The following LMO2 variants were observed in gnomAD, a reference collection of about 807,000 sequenced individuals.
LMO2 encodes rhombotin-2.
In LMO2, 20 loss-of-function variants were observed where a neutral mutation model predicts 23.2. The ratio of observed to expected loss-of-function variants is 0.86; its 90% CI spans 0.61 to 1.25. The LOEUF (loss-of-function observed/expected upper bound fraction) is 1.25. LMO2 is among the 50% of genes most tolerant of loss of function. The probability of loss-of-function intolerance (pLI) is 0.00; values close to 1 mark genes in which losing one functional copy is unlikely to be tolerated. For missense variants in LMO2, 270 were observed against 315.3 expected (o/e 0.86, Z 1.09); for synonymous variants, 123 against 130.2 (o/e 0.94, Z 0.38).
intron 2 of LMO2, among the ~76,000 whole-genome samples, chr11:33,878,686 A>T (rs1352939196): frequency 6.6e-6 from 1 of 152,094 alleles, no homozygotes; most frequent in Non-Finnish European, 1.5e-5. Context: ...CTACATCTTT[A>T]CCCTGAAGGT....
intron 2 of LMO2, among the ~76,000 whole-genome samples, chr11:33,873,351 A>C (rs907722791): frequency 6.6e-6 from 1 of 152,224 alleles, no homozygotes; most frequent in African/African-American, 2.4e-5. Flanking sequence ...ATGGTATCTT[A>C]AGATTTCAAT....
chr11:33,869,631 C>T (rs747528150), intron 3 of LMO2, 45 bp from the exon 4 acceptor site: 36 of 1,258,164 alleles, frequency 2.9e-5, no homozygotes, highest in Non-Finnish European at 3.6e-5. Flanking sequence ...GCTGCGGGCG[C>T]GCCGCGGCCG....
rs760448358 is a variant in LMO2, at chr11:33,864,577, C to T, written c.464+25G>A. On this transcript the variant is annotated intron_variant, in intron 5 of 5. Coordinates refer to ENST00000257818, the MANE Select transcript of LMO2 (RefSeq NM_005574.4). This position sits in a 1 kb window ranked among gnomAD's most constrained non-coding sequence, Gnocchi z 4.8. The stretch of plus-strand genomic sequence containing the variant: ...GACCACCCAGCCTCCCTTCCGAGGG[C>T]CCAGTGGAGTGCCGGGGAGGGTACC... 1.1e-5 allele frequency: 17 copies of T among 1,597,748 alleles called. No individual in the cohort carries two copies. In the African/African-American group the frequency reaches 2.3e-4, roughly 21 times the overall value.
chr11:33,873,268 A>G (rs1565031303), intron 2 of LMO2, among the ~76,000 whole-genome samples: 1 of 152,148 alleles, frequency 6.6e-6, no homozygotes, highest in Non-Finnish European at 1.5e-5. Context: ...ATTACTGCAT[A>G]TGACTTTGGG....
chr11:33,881,085 G>A (rs1371303331), intron 2 of LMO2: 4 of 441,372 alleles, frequency 9.1e-6, no homozygotes, highest in Non-Finnish European at 1.8e-5. Context: ...AGTATAGCAG[G>A]TCCCATCTCC....
Position 33,869,859 on chromosome 11 carries a change from G to A in LMO2, c.-143C>T, listed in dbSNP as rs1411016733. The A allele has an allele frequency of 6.6e-6, 7 of 1,055,568 alleles. No homozygotes were observed. The highest frequency in any genetic ancestry group is 8.0e-6 in the Non-Finnish European group (7 of 875,984). 65.4% of individuals were successfully genotyped at this position (1,055,568 alleles called of 1,614,324 possible). ...GGGTCGCGGCGCGCTGCTCGCCGCC[G>A]AGGGCAGAGAGGGGGCGGCGGCCTA... On this transcript the variant is annotated 5_prime_UTR_variant, in exon 3 of 6. Transcript: ENST00000257818.
intron 1 of LMO2, among the ~76,000 whole-genome samples, chr11:33,886,322 G>A (rs943032725): frequency 5.9e-5 from 9 of 152,182 alleles, no homozygotes; most frequent in African/African-American, 2.2e-4. Context: ...CTGACAATTG[G>A]GCATCATTTC....
At chr11:33,891,388 CAT>C (rs1554959545) in intron 1 of LMO2, among the ~76,000 whole-genome samples, 5,683 of 49,570 alleles carry the variant, frequency 0.11, 220 homozygotes, top group African/African-American at 0.22. Context: ...CACACACACA[CAT>C]GCACACACAC....
At chr11:33,881,666 A>G in intron 2 of LMO2, 158 bp downstream of exon 2, 1 of 336,388 alleles carries the variant, frequency 3.0e-6, no homozygotes, top group Non-Finnish European at 5.8e-6. Context: ...CGCATTTTGT[A>G]ATTGTTAAGT....
intron 2 of LMO2, among the ~76,000 whole-genome samples, chr11:33,874,593 A>C (rs1191476100): frequency 6.6e-6 from 1 of 152,246 alleles, no homozygotes; most frequent in Non-Finnish European, 1.5e-5. Flanking sequence ...CCCATCTTTC[A>C]GAAGTAATCA....
At chr11:33,870,306 G>T in intron 2 of LMO2, 2 of 953,356 alleles carry the variant, frequency 2.1e-6, no homozygotes, top group Non-Finnish European at 2.5e-6. Context: ...AACAGCTCGA[G>T]CAAGCAAGAA....
At chr11:33,862,015 A>C (rs1856600068) in intron 5 of LMO2, among the ~76,000 whole-genome samples, 1 of 152,180 alleles carries the variant, frequency 6.6e-6, no homozygotes, top group African/African-American at 2.4e-5. Context: ...ACCTAACTTG[A>C]GCATTAACCT....
intron 2 of LMO2, chr11:33,871,128 C>A (rs1269644051): frequency 9.0e-6 from 8 of 888,396 alleles, no homozygotes; most frequent in Non-Finnish European, 9.4e-6. Context: ...GAGTTTACTA[C>A]TGCCTGCATG....
rs1213671976 is a variant in LMO2 at position 33,887,744 on chromosome 11, GTTT to G, written c.-336+4048_-336+4050del. ...TGTTTTGTTTTTTGTTTGTTTGTTT[GTTT>G]GCTTTTTGTAGAGATGGGGTTTTGC... On this transcript the variant is annotated intron_variant, in intron 1 of 5. Transcript: ENST00000257818. Among the ~76,000 whole-genome samples, 4 of 151,912 alleles carry G rather than the reference GTTT, an allele frequency of 2.6e-5. No homozygotes were observed. In the East Asian group the frequency reaches 5.8e-4, roughly 22 times the overall value.
Position 33,864,682 on chromosome 11 carries a change from G to A in LMO2, c.384C>T (p.Leu128=). ...CCACCTCACCCAGCCGGCAGCCACA[G>A]AGGTCGCAGCTCAGGCAGTCCTCGT... ...YWHEDCLSCD[L]CGCRLGEVGR... Residue 128 remains leucine (L), a synonymous_variant, in exon 5 of 6, where the codon CTC becomes CTT. Coordinates refer to ENST00000257818, the MANE Select transcript of LMO2 (RefSeq NM_005574.4). The surrounding 1 kb of genome is among the most constrained non-coding windows in gnomAD (Gnocchi z 4.8). 6.2e-7 allele frequency: 1 copy of A among 1,614,128 alleles called. No individual in the cohort carries two copies. Among genetic ancestry groups the A allele is most frequent in the Non-Finnish European group, 8.5e-7 (1 of 1,180,042 alleles).
intron 2 of LMO2, chr11:33,870,341 C>G (rs993462714): frequency 2.7e-5 from 27 of 983,110 alleles, no homozygotes; most frequent in African/African-American, 3.5e-5. Context: ...AAATAAGCAC[C>G]TACAGAAATG....
Position 33,864,672 on chromosome 11 carries a change from G to GGCA in LMO2, c.391_393dup (p.Cys131dup). ...AGGCGCCGCCCCACCTCACCCAGCC[G>GGCA]GCAGCCACAGAGGTCGCAGCTCAGG... On this transcript the variant is annotated inframe_insertion, in exon 5 of 6. Coordinates refer to ENST00000257818, the MANE Select transcript of LMO2 (RefSeq NM_005574.4). The surrounding 1 kb of genome is among the most constrained non-coding windows in gnomAD (Gnocchi z 4.8). The GGCA allele has an allele frequency of 6.2e-7, 1 of 1,614,026 alleles. No homozygotes were observed. Among genetic ancestry groups the GGCA allele is most frequent in the South Asian group, 1.1e-5 (1 of 91,078 alleles).
At chr11:33,875,464 G>T (rs1684965560) in intron 2 of LMO2, among the ~76,000 whole-genome samples, 1 of 151,470 alleles carries the variant, frequency 6.6e-6, no homozygotes, top group African/African-American at 2.4e-5. Flanking sequence ...TGTAATCCCA[G>T]CTACCCGGGA....
rs1857256639 is a variant in LMO2 at position 33,880,516 on chromosome 11, G to T, written c.-272+1308C>A. ...AATGGTGGTTGCCAGGAGCTAGGGG[G>T]AGGGGATAGTTATTGTTTAATGGAC... On this transcript the variant is annotated intron_variant, in intron 2 of 5. Transcript: ENST00000257818. This position sits in a 1 kb window ranked among gnomAD's most constrained non-coding sequence, Gnocchi z 4.3. The T allele has an allele frequency of 6.6e-6, 1 of 152,142 alleles. No individual in the cohort carries two copies. The highest frequency in any genetic ancestry group is 2.1e-4 in the South Asian group (1 of 4,826). 9.4% of individuals were successfully genotyped at this position (152,142 alleles called of 1,614,324 possible).
Sources: gnomAD v4.1 joint callset for allele counts (sites outside exome capture counted in the v4.1 genomes callset) on GRCh38, gnomAD v4.1.1 for gene constraint, Gnocchi (gnomAD v3.1) non-coding constraint, MANE v1.5 for transcripts, NCBI Gene and HGNC (gene_info 2026-07-23, HGNC 2026-07-21) for gene names.